The following ATG13 variants were observed in gnomAD, a reference collection of about 807,000 sequenced individuals.
ATG13 encodes the protein autophagy related 13.
Under a neutral mutation model 65.5 loss-of-function variants are expected in ATG13, and 23 were observed. The observed-to-expected ratio is 0.35, with a 90% confidence interval of 0.25 to 0.50. The LOEUF (loss-of-function observed/expected upper bound fraction) is 0.50. Ranked by LOEUF, ATG13 falls within the 20% of genes least tolerant of loss-of-function variation. The probability of loss-of-function intolerance (pLI) is 0.98; values close to 1 mark genes in which losing one functional copy is unlikely to be tolerated. For missense variants in ATG13, 566 were observed against 677.0 expected (o/e 0.84, Z 1.82); for synonymous variants, 252 against 245.2 (o/e 1.03, Z -0.26).
At chr11:46,656,610 T>A (rs1023258978) in intron 8 of ATG13, among the ~76,000 whole-genome samples, 1 of 152,168 alleles carries the variant, frequency 6.6e-6, no homozygotes, top group African/African-American at 2.4e-5. Flanking sequence ...TCAGGAAAGC[T>A]TTGTTGAAAG....
intron 7 of ATG13, among the ~76,000 whole-genome samples, chr11:46,654,038 A>T: frequency 6.6e-6 from 1 of 150,946 alleles, no homozygotes; most frequent in Admixed American, 6.6e-5. Context: ...GGAAGGTTCC[A>T]CTGTGTTTAT....
In ATG13 at chr11:46,669,674, G is replaced by A. The variant is rs867341532; in HGVS notation, c.1575+142G>A. The A allele has an allele frequency of 1.5e-5, 16 of 1,101,856 alleles. No homozygotes were observed. The Admixed American group carries it at 3.3e-4, about 23-fold the overall frequency. The allele number at this position is 1,101,856 out of a possible 1,614,324, so 68.3% of individuals were successfully genotyped here. ...AGAAAATTATCTTTTGATCACTCTTGAGATTGGCATTGTGCCCAGCAGTCA... is the reference window on the plus strand; with the variant it reads ...AGAAAATTATCTTTTGATCACTCTTAAGATTGGCATTGTGCCCAGCAGTCA... On this transcript the variant is annotated intron_variant, in intron 18 of 18. Transcript: ENST00000683050.
At chr11:46,657,329 G>A in intron 9 of ATG13, 138 bp downstream of exon 9, 1 of 956,758 alleles carries the variant, frequency 1.0e-6, no homozygotes, top group South Asian at 1.5e-5. Flanking sequence ...GAGTGCAGTT[G>A]CCAGATTGGA....
chr11:46,634,320 G>A (rs183202597), intron 2 of ATG13, among the ~76,000 whole-genome samples: 3 of 151,672 alleles, frequency 2.0e-5, no homozygotes, highest in East Asian at 1.9e-4. Context: ...GGATGGTCGC[G>A]ATCTCCTGAT....
chr11:46,660,942 T>C (rs1466047443), intron 11 of ATG13, among the ~76,000 whole-genome samples: 1 of 152,028 alleles, frequency 6.6e-6, no homozygotes, highest in Non-Finnish European at 1.5e-5. Flanking sequence ...ACTTCTGGAC[T>C]CAAGTGATCT....
chr11:46,665,276 C>T lies in ATG13; in HGVS notation c.1000-107C>T, dbSNP rs757538646. The T allele has an allele frequency of 6.8e-4, 944 of 1,383,570 alleles. 2 individuals carry two copies. Among genetic ancestry groups the T allele is most frequent in the Non-Finnish European group, 8.7e-4 (874 of 1,008,602 alleles). 85.7% of individuals were successfully genotyped at this position (1,383,570 alleles called of 1,614,324 possible). A position where few individuals can be genotyped will look rare whatever the true frequency, so the allele number is the denominator to read the frequency against. On this transcript the variant is annotated intron_variant, in intron 13 of 18. Transcript: ENST00000683050. Reference sequence around the variant, plus strand: ...GGGATTGCTGCCTACTTGGTGGCAGCGTTGGTGATGGAAAAGTCAAAAGCA... The same window carrying T: ...GGGATTGCTGCCTACTTGGTGGCAGTGTTGGTGATGGAAAAGTCAAAAGCA...
chr11:46,641,167 G>A (rs537438035), intron 2 of ATG13, among the ~76,000 whole-genome samples: 19 of 152,280 alleles, frequency 1.2e-4, no homozygotes, highest in African/African-American at 4.3e-4. Flanking sequence ...CTGCCTCCTG[G>A]GTTCAAGCAG....
At chr11:46,668,402 T>C in intron 15 of ATG13, 97 bp from the exon 16 acceptor site, 1 of 1,233,596 alleles carries the variant, frequency 8.1e-7, no homozygotes, top group South Asian at 1.3e-5. Context: ...CATAGCTGTG[T>C]GAACTTGCTG....
rs1184011223 is a variant in ATG13 at position 46,620,451 on chromosome 11, A to C, written c.-70+2561A>C. 4.0e-5 allele frequency among the ~76,000 whole-genome samples: 6 copies of C among 151,706 alleles called. No individual in the cohort carries two copies. The East Asian group carries it at 1.2e-3, about 30-fold the overall frequency. ...TATGCCCTTGGTCATAAGAGAAGGG[A>C]TGAGAATGTGAATTACCACTGCTTA... On this transcript the variant is annotated intron_variant, in intron 1 of 18. Coordinates refer to ENST00000683050, the MANE Select transcript of ATG13 (RefSeq NM_001346311.2).
chr11:46,656,369 A>G, intron 8 of ATG13, 96 bp downstream of exon 8: 1 of 1,276,228 alleles, frequency 7.8e-7, no homozygotes, highest in Non-Finnish European at 1.1e-6. Flanking sequence ...GTAGATTGTC[A>G]TCTTAATATG....
chr11:46,634,356 C>A (rs1225106953), intron 2 of ATG13, among the ~76,000 whole-genome samples: 1 of 151,856 alleles, frequency 6.6e-6, no homozygotes, highest in African/African-American at 2.4e-5. Context: ...CCTCGGCCTC[C>A]CAAAGTGCTG....
intron 14 of ATG13, among the ~76,000 whole-genome samples, chr11:46,667,569 A>G (rs964543039): frequency 6.6e-6 from 1 of 152,216 alleles, no homozygotes; most frequent in Non-Finnish European, 1.5e-5. Context: ...TAGTAGTTCC[A>G]GGAAGTGCAG....
chr11:46,669,045 T>C (rs1189151316), intron 17 of ATG13, 135 bp downstream of exon 17: 5 of 800,814 alleles, frequency 6.2e-6, no homozygotes, highest in Non-Finnish European at 1.0e-5. Context: ...ACAGGTGGAG[T>C]CTGGTCTGGG....
At chr11:46,663,672 G>A (rs919512761) in intron 11 of ATG13, among the ~76,000 whole-genome samples, 1 of 152,228 alleles carries the variant, frequency 6.6e-6, no homozygotes, top group African/African-American at 2.4e-5. Context: ...TGTCTTTTTT[G>A]AGTAGAGACA....
intron 6 of ATG13, among the ~76,000 whole-genome samples, chr11:46,649,737 A>G (rs1323286998): frequency 1.3e-5 from 2 of 152,218 alleles, no homozygotes; most frequent in Non-Finnish European, 2.9e-5. Flanking sequence ...AGTGATAAGT[A>G]TATGTGGTGG....
chr11:46,658,776 TC>T (rs2060541870), intron 10 of ATG13, among the ~76,000 whole-genome samples: 1 of 152,052 alleles, frequency 6.6e-6, no homozygotes, highest in African/African-American at 2.4e-5. Flanking sequence ...CCTCAGATGA[TC>T]CGCCTGCTTC....
chr11:46,650,413 G>T, intron 7 of ATG13, 96 bp downstream of exon 7: 1 of 1,466,738 alleles, frequency 6.8e-7, no homozygotes, highest in South Asian at 1.3e-5. Context: ...GTTTTGGACA[G>T]TTGGTTGGTT....
Position 46,659,512 on chromosome 11 carries a change from T to C in ATG13, c.789+27T>C, listed in dbSNP as rs768112083. 1.7e-5 allele frequency: 27 copies of C among 1,573,814 alleles called. 1 individual carries two copies. In the South Asian group the frequency reaches 3.0e-4, roughly 17 times the overall value. ...TAGGGGGAAGCAGGTTCTGGGGTGG[T>C]GGTAGTTATTTGGTATATATATGGG... On this transcript the variant is annotated intron_variant, in intron 11 of 18. Coordinates refer to ENST00000683050, the MANE Select transcript of ATG13 (RefSeq NM_001346311.2).
chr11:46,643,162 C>G (rs1214984591), intron 2 of ATG13, among the ~76,000 whole-genome samples: 1 of 152,132 alleles, frequency 6.6e-6, no homozygotes, highest in Non-Finnish European at 1.5e-5. Flanking sequence ...AACCAGAGGT[C>G]TCTCAGACAT....
Sources: allele counts gnomAD v4.1 joint callset (sites outside exome capture counted in the v4.1 genomes callset), GRCh38; gene constraint gnomAD v4.1.1; transcripts MANE v1.5; gene names NCBI Gene and HGNC (gene_info 2026-07-23, HGNC 2026-07-21).